Variants in CTNNA3 observed in about 807,000 individuals in gnomAD.
CTNNA3 encodes catenin alpha 3, also known as catenin alpha-3.
Under a neutral mutation model 95.7 loss-of-function variants are expected in CTNNA3, and 76 were observed. The ratio of observed to expected loss-of-function variants is 0.79; its 90% CI spans 0.66 to 0.96. The LOEUF is 0.96. Among genes scored for constraint, CTNNA3 ranks in the 40% least tolerant of loss-of-function variants. The probability of loss-of-function intolerance (pLI) is 0.00; values close to 1 mark genes in which losing one functional copy is unlikely to be tolerated. For synonymous variants in CTNNA3, 431 were observed against 374.4 expected, an observed-to-expected ratio of 1.15 and a Z score of -1.74; for missense variants, 1,191 against 1,089.8, an observed-to-expected ratio of 1.09 and a Z score of -1.31.
chr10:67,332,083 TTAAGTC>T (rs777962362), intron 5 of CTNNA3, among the ~76,000 whole-genome samples: 19 of 152,174 alleles, frequency 1.2e-4, no homozygotes, highest in Non-Finnish European at 2.5e-4. Context: ...ATCTGTGTGA[TTAAGTC>T]TAGAAAAATA....
At chr10:66,926,498 T>C (rs1010705004) in intron 7 of CTNNA3, 6 of 1,522,732 alleles carry the variant, frequency 3.9e-6, no homozygotes, top group South Asian at 1.2e-5. Flanking sequence ...CCTGACTCAC[T>C]ACAGTGCAGC....
intron 3 of CTNNA3, among the ~76,000 whole-genome samples, chr10:67,595,235 A>G (rs928885175): frequency 1.3e-5 from 2 of 152,108 alleles, no homozygotes; most frequent in African/African-American, 2.4e-5. Flanking sequence ...TAGACTGTCA[A>G]TTTGAGAGCC....
chr10:66,031,014 T>C (rs1272610985), intron 15 of CTNNA3, among the ~76,000 whole-genome samples: 2 of 152,098 alleles, frequency 1.3e-5, no homozygotes, highest in Non-Finnish European at 2.9e-5. Context: ...CACATAACTT[T>C]ATTATGTGTC....
intron 11 of CTNNA3, among the ~76,000 whole-genome samples, chr10:66,450,401 T>C (rs1045206510): frequency 6.6e-6 from 1 of 152,120 alleles, no homozygotes; most frequent in African/African-American, 2.4e-5. Context: ...CTGTTTCCCT[T>C]GTATAATATA....
At chr10:67,564,663 A>ATATGTGTGTGTGTGTG (rs1554854230) in intron 3 of CTNNA3, among the ~76,000 whole-genome samples, 1 of 95,518 alleles carries the variant, frequency 1.0e-5, no homozygotes, top group African/African-American at 5.0e-5. Flanking sequence ...ATATGCATAT[A>ATATGTGTGTGTGTGTG]TGTGTGTGTG....
At chr10:66,154,210 G>A (rs1200348441) in intron 13 of CTNNA3, among the ~76,000 whole-genome samples, 1 of 151,544 alleles carries the variant, frequency 6.6e-6, no homozygotes, top group Non-Finnish European at 1.5e-5. Flanking sequence ...CTTAATCCTT[G>A]GTTCTACTCT....
intron 10 of CTNNA3, among the ~76,000 whole-genome samples, chr10:66,609,905 A>T (rs1844266700): frequency 6.6e-6 from 1 of 152,170 alleles, no homozygotes; most frequent in African/African-American, 2.4e-5. Flanking sequence ...TACACCATGG[A>T]ATACTCTGCA....
intron 5 of CTNNA3, among the ~76,000 whole-genome samples, chr10:67,336,214 A>G (rs1841990997): frequency 1.3e-5 from 2 of 152,110 alleles, no homozygotes; most frequent in Admixed American, 1.3e-4. Context: ...TTGAGATACA[A>G]TGTTGAAATT....
chr10:67,163,949 C>T (rs1861655238), intron 7 of CTNNA3, among the ~76,000 whole-genome samples: 1 of 151,874 alleles, frequency 6.6e-6, no homozygotes, highest in South Asian at 2.1e-4. Flanking sequence ...ATACTGAAAA[C>T]TGCAAAATGC....
At chr10:67,145,796 A>G (rs1860813379) in intron 7 of CTNNA3, among the ~76,000 whole-genome samples, 1 of 152,176 alleles carries the variant, frequency 6.6e-6, no homozygotes, top group Non-Finnish European at 1.5e-5. Flanking sequence ...TATTATCCTA[A>G]GCTAATAATA....
At chr10:67,234,040 G>A (rs915170267) in intron 5 of CTNNA3, among the ~76,000 whole-genome samples, 1 of 152,074 alleles carries the variant, frequency 6.6e-6, no homozygotes, top group African/African-American at 2.4e-5. Context: ...CAACCAAAAA[G>A]AGTCCAGGAC....
At chr10:67,568,549 A>G (rs1466751027) in intron 3 of CTNNA3, among the ~76,000 whole-genome samples, 5 of 151,432 alleles carry the variant, frequency 3.3e-5, no homozygotes, top group Non-Finnish European at 7.4e-5. Flanking sequence ...TTATATGCAC[A>G]CAGACACACA....
chr10:67,149,510 G>A (rs1455055212), intron 7 of CTNNA3, among the ~76,000 whole-genome samples: 3 of 152,208 alleles, frequency 2.0e-5, no homozygotes, highest in Admixed American at 6.5e-5. Context: ...GCGTGAACCC[G>A]GGAGGCGGAG....
At chr10:67,763,270 A>G (rs1841471940) in intron 1 of CTNNA3, among the ~76,000 whole-genome samples, 1 of 68,522 alleles carries the variant, frequency 1.5e-5, no homozygotes, top group African/African-American at 3.5e-5. Flanking sequence ...CTCTGCCAAA[A>G]TTTAAAAAAA....
intron 12 of CTNNA3, among the ~76,000 whole-genome samples, chr10:66,348,150 C>G (rs899482912): frequency 1.3e-5 from 2 of 152,096 alleles, no homozygotes; most frequent in Non-Finnish European, 2.9e-5. Context: ...TAAGCCTCTT[C>G]TCTTCCTGTC....
chr10:66,113,587 G>C (rs1183804482), intron 13 of CTNNA3, among the ~76,000 whole-genome samples: 2 of 152,102 alleles, frequency 1.3e-5, no homozygotes, highest in Admixed American at 6.6e-5. Flanking sequence ...TGAGAACACA[G>C]CTTCCTCAGT....
intron 11 of CTNNA3, among the ~76,000 whole-genome samples, chr10:66,389,382 A>G (rs1448212107): frequency 6.6e-6 from 1 of 152,130 alleles, no homozygotes; most frequent in Non-Finnish European, 1.5e-5. Context: ...GTATCAGCTT[A>G]ACATTTGCTC....
intron 13 of CTNNA3, among the ~76,000 whole-genome samples, chr10:66,254,960 C>T (rs1344606464): frequency 6.6e-6 from 1 of 152,080 alleles, no homozygotes; most frequent in Non-Finnish European, 1.5e-5. Context: ...ATCCAAAGGC[C>T]AAGACAAAAA....
intron 6 of CTNNA3, among the ~76,000 whole-genome samples, chr10:67,196,367 G>A (rs1474539534): frequency 6.6e-6 from 1 of 152,008 alleles, no homozygotes; most frequent in Non-Finnish European, 1.5e-5. Flanking sequence ...CTTAGCTATA[G>A]TAAGTCAAAG....
Sources: allele counts gnomAD v4.1 joint callset (sites outside exome capture counted in the v4.1 genomes callset), GRCh38; gene constraint gnomAD v4.1.1; transcripts MANE v1.5; gene names NCBI Gene and HGNC (gene_info 2026-07-23, HGNC 2026-07-21).